SLC41A2: variants seen among roughly 807,000 people sequenced by gnomAD.
SLC41A2 encodes SLC41A1-like 1.
A neutral mutation model predicts 58.3 loss-of-function variants in SLC41A2; 32 were observed. The observed-to-expected ratio is 0.55, with a 90% CI of 0.41 to 0.74. The LOEUF is 0.74. SLC41A2 is among the 30% of genes least tolerant of loss of function. The probability of loss-of-function intolerance (pLI) is 0.00; values close to 1 mark genes in which losing one functional copy is unlikely to be tolerated. For missense variants in SLC41A2, 514 were observed against 680.6 expected (o/e 0.76, Z 2.72); for synonymous variants, 190 against 235.0 (o/e 0.81, Z 1.75).
chr12:104,819,072 A>G (rs1425250731), intron 10 of SLC41A2, among the ~76,000 whole-genome samples: 1 of 152,194 alleles, frequency 6.6e-6, no homozygotes, highest in African/African-American at 2.4e-5. Context: ...ACATTTAGAA[A>G]ATATACTTTT....
chr12:104,859,260 G>A (rs1229548212), intron 8 of SLC41A2, among the ~76,000 whole-genome samples: 4 of 152,016 alleles, frequency 2.6e-5, no homozygotes, highest in Admixed American at 2.0e-4. Context: ...GATAGGCAGG[G>A]AAAAAAACCA....
chr12:104,886,237 T>C, intron 6 of SLC41A2, 56 bp downstream of exon 6: 1 of 1,571,568 alleles, frequency 6.4e-7, no homozygotes, highest in Non-Finnish European at 8.7e-7. Context: ...GCTGCAACAA[T>C]ATTTATTTAA....
intron 4 of SLC41A2, among the ~76,000 whole-genome samples, chr12:104,889,799 T>G (rs17036468): frequency 0.032 from 4,853 of 152,100 alleles, 265 homozygotes; most frequent in African/African-American, 0.11. Flanking sequence ...GCTATGAAAA[T>G]TTCAGTTCCT....
rs11355284 is a variant in SLC41A2, at chr12:104,804,142, C to CAAAAA, written c.*1005_*1009dup. 1.5e-4 allele frequency: 9 copies of CAAAAA among 61,398 alleles called. No individual in the cohort carries two copies. Among genetic ancestry groups the CAAAAA allele is most frequent in the Admixed American group, 2.6e-4 (1 of 3,818 alleles). The allele number at this position is 61,398 out of a possible 1,614,324, so 3.8% of individuals were successfully genotyped here. The stretch of plus-strand genomic sequence containing the variant: ...TGGGCGACAGAGCAAGACTCTGTCT[C>CAAAAA]AAAAAAAAAAAAAAAAAAAAAAAAA... On this transcript the variant is annotated 3_prime_UTR_variant, in exon 11 of 11. Transcript: ENST00000258538.
intron 10 of SLC41A2, among the ~76,000 whole-genome samples, chr12:104,821,523 G>GT (rs1310128291): frequency 6.6e-6 from 1 of 152,168 alleles, no homozygotes; most frequent in Non-Finnish European, 1.5e-5. Flanking sequence ...TAGCTGAATG[G>GT]TAGTCCCGCT....
chr12:104,827,312 C>T (rs539501934), intron 10 of SLC41A2, among the ~76,000 whole-genome samples: 136 of 152,232 alleles, frequency 8.9e-4, no homozygotes, highest in African/African-American at 3.0e-3. Flanking sequence ...GTAGTCACCT[C>T]GGTCTTTTAT....
At chr12:104,879,345 T>C (rs2044237504) in intron 6 of SLC41A2, among the ~76,000 whole-genome samples, 1 of 152,238 alleles carries the variant, frequency 6.6e-6, no homozygotes, top group Admixed American at 6.5e-5. Context: ...TGGCTTTTGT[T>C]GCCATTGCTT....
chr12:104,804,683 G>T lies in SLC41A2; in HGVS notation c.*469C>A, dbSNP rs1183086180. ...GGTAAATTTATCCTCAGCTAGCATA[G>T]AGGTGGGCATTGTTAATACGATTCA... On this transcript the variant is annotated 3_prime_UTR_variant, in exon 11 of 11. Transcript: ENST00000258538. 1 of 152,894 alleles carries T rather than the reference G, an allele frequency of 6.5e-6. No homozygotes were observed. Among genetic ancestry groups the T allele is most frequent in the African/African-American group, 2.4e-5 (1 of 41,428 alleles). 9.5% of individuals were successfully genotyped at this position (152,894 alleles called of 1,614,324 possible).
chr12:104,913,471 C>CCAGT (rs1243785165), intron 2 of SLC41A2, among the ~76,000 whole-genome samples: 1 of 152,176 alleles, frequency 6.6e-6, no homozygotes, highest in Admixed American at 6.5e-5. Flanking sequence ...TGGTAAGAGA[C>CCAGT]CAGTGATCAC....
At chr12:104,824,065 G>T (rs1369358302) in intron 10 of SLC41A2, among the ~76,000 whole-genome samples, 1 of 152,168 alleles carries the variant, frequency 6.6e-6, no homozygotes, top group Non-Finnish European at 1.5e-5. Flanking sequence ...CGGAAGAGGT[G>T]AAGGGAAGTG....
At chr12:104,901,763 TG>T (rs1328860223) in intron 3 of SLC41A2, among the ~76,000 whole-genome samples, 3 of 152,174 alleles carry the variant, frequency 2.0e-5, no homozygotes, top group Non-Finnish European at 4.4e-5. Context: ...TTCCCCAGTC[TG>T]GAAACCTATT....
chr12:104,874,344 G>A (rs774476854), intron 6 of SLC41A2, among the ~76,000 whole-genome samples: 29 of 152,216 alleles, frequency 1.9e-4, no homozygotes, highest in South Asian at 1.2e-3. Flanking sequence ...AAAGTCCTGC[G>A]ATTACAGGCG....
rs117527946 is a variant in SLC41A2, at chr12:104,945,215, A to T, written c.-168+12873T>A. Among the ~76,000 whole-genome samples the T allele has an allele frequency of 3.4e-4, 52 of 151,688 alleles. No homozygotes were observed. The East Asian group carries it at 0.01, about 30-fold the overall frequency. On this transcript the variant is annotated intron_variant, in intron 1 of 10. Coordinates refer to ENST00000258538, the MANE Select transcript of SLC41A2 (RefSeq NM_001352171.3). Reference sequence around the variant, plus strand: ...ATAAAAAGTAAGAAAAGAAAAGAAAAGAAGGCTGGGCACGGTAGTTCACAC... The same window carrying T: ...ATAAAAAGTAAGAAAAGAAAAGAAATGAAGGCTGGGCACGGTAGTTCACAC...
intron 2 of SLC41A2, among the ~76,000 whole-genome samples, chr12:104,910,449 A>G (rs10861291): frequency 0.51 from 76,753 of 151,948 alleles, 19,763 homozygotes; most frequent in Middle Eastern, 0.56. Context: ...CATCCATTAA[A>G]TGAAAATAAT....
chr12:104,895,647 C>T (rs2045242390), intron 3 of SLC41A2, among the ~76,000 whole-genome samples: 1 of 152,132 alleles, frequency 6.6e-6, no homozygotes, highest in Non-Finnish European at 1.5e-5. Flanking sequence ...CAGATATTAT[C>T]TTAGCATGCC....
chr12:104,856,953 T>C, intron 8 of SLC41A2, among the ~76,000 whole-genome samples: 1 of 152,172 alleles, frequency 6.6e-6, no homozygotes, highest in Non-Finnish European at 1.5e-5. Flanking sequence ...TATAACTTTA[T>C]ATGATAAAAT....
intron 8 of SLC41A2, among the ~76,000 whole-genome samples, chr12:104,852,876 C>A (rs2042853358): frequency 1.3e-5 from 2 of 152,088 alleles, no homozygotes; most frequent in South Asian, 4.1e-4. Context: ...TAATGACATA[C>A]ACTATGTTTC....
chr12:104,850,224 ATTGT>A (rs1214648269), intron 8 of SLC41A2, among the ~76,000 whole-genome samples: 5 of 152,136 alleles, frequency 3.3e-5, no homozygotes, highest in African/African-American at 1.2e-4. Flanking sequence ...ATGAAACTAC[ATTGT>A]TTTTGTTTTG....
At position 104,928,103 on chromosome 12, in the gene SLC41A2, T is replaced by A. The variant is rs757729664; in HGVS notation, c.425A>T (p.Asp142Val). The change falls in exon 2 of 11, where the codon GAT (aspartate) becomes GTT (valine). Residue 142 changes from aspartate to valine, a missense_variant. Coordinates refer to ENST00000258538, the MANE Select transcript of SLC41A2 (RefSeq NM_001352171.3). Reference sequence around the variant, plus strand: ...TTTTGGGGTCACTTCTACAATAGCATCTTCATCACCATCACTAGATATATC... The same window carrying A: ...TTTTGGGGTCACTTCTACAATAGCAACTTCATCACCATCACTAGATATATC... ...DEDISSDGDEDAIVEVTPKLP... is the reference protein window; with the variant it reads ...DEDISSDGDEVAIVEVTPKLP... 2.0e-5 allele frequency: 32 copies of A among 1,614,090 alleles called. No individual in the cohort carries two copies. Among genetic ancestry groups the A allele is most frequent in the Non-Finnish European group, 2.5e-5 (30 of 1,180,028 alleles).
Sources: allele counts gnomAD v4.1 joint callset (sites outside exome capture counted in the v4.1 genomes callset), GRCh38; gene constraint gnomAD v4.1.1; transcripts MANE v1.5; gene names NCBI Gene and HGNC (gene_info 2026-07-23, HGNC 2026-07-21).